The following ARHGEF38 variants were observed in gnomAD, a reference collection of about 807,000 sequenced individuals.
ARHGEF38 encodes the protein Rho guanine nucleotide exchange factor (GEF) 38.
In ARHGEF38, 79 loss-of-function variants were observed where a neutral mutation model predicts 79.9. That is an observed-to-expected ratio of 0.99 (90% CI 0.82 to 1.19). The LOEUF (loss-of-function observed/expected upper bound fraction) is 1.19, where lower values mean the gene tolerates loss of function less well. ARHGEF38 is among the 50% of genes most tolerant of loss of function. The pLI is 0.00. For missense variants in ARHGEF38, 962 were observed against 907.2 expected (o/e 1.06, Z -0.78); for synonymous variants, 366 against 328.3 (o/e 1.11, Z -1.24).
chr4:105,596,838 G>A (rs1451532991), intron 2 of ARHGEF38, among the ~76,000 whole-genome samples: 1 of 152,178 alleles, frequency 6.6e-6, no homozygotes, highest in Non-Finnish European at 1.5e-5. Flanking sequence ...CTCAAAGCTA[G>A]GTTCTACCTC....
intron 2 of ARHGEF38, among the ~76,000 whole-genome samples, chr4:105,596,806 T>C (rs578178944): frequency 1.6e-3 from 245 of 152,306 alleles, no homozygotes; most frequent in African/African-American, 5.6e-3. Context: ...TGGTTGGGCA[T>C]CCCTGGTGAC....
chr4:105,626,508 C>T, intron 3 of ARHGEF38, among the ~76,000 whole-genome samples: 1 of 152,202 alleles, frequency 6.6e-6, no homozygotes, highest in East Asian at 1.9e-4. Context: ...TCCCAACTGT[C>T]ACACATCGAG....
intron 4 of ARHGEF38, 189 bp downstream of exon 4, chr4:105,631,234 G>GA (rs1729179957): frequency 1.6e-6 from 2 of 1,246,340 alleles, no homozygotes; most frequent in African/African-American, 3.1e-5. Flanking sequence ...TTCCCCCTGC[G>GA]AGAATGACTA....
intron 1 of ARHGEF38, among the ~76,000 whole-genome samples, chr4:105,559,250 CT>C (rs928571037): frequency 6.6e-6 from 1 of 152,178 alleles, no homozygotes; most frequent in African/African-American, 2.4e-5. Flanking sequence ...CACTTCTAGA[CT>C]GTTTCTGAGA....
rs143851441 is a variant in ARHGEF38 at position 105,635,567 on chromosome 4, T to C, written c.657-836T>C. On this transcript the variant is annotated intron_variant, in intron 4 of 13. Transcript: ENST00000420470. ...TCACTTATTGGTTTGCATGAAAAAT[T>C]GCATTTTTATTTTTATTCATTTTCT... is the stretch of plus-strand genomic sequence containing the variant. Among the ~76,000 whole-genome samples, 35 of 152,216 alleles carry C rather than the reference T, an allele frequency of 2.3e-4. No homozygotes were observed. The East Asian group carries it at 6.6e-3, about 29-fold the overall frequency.
rs1730621926 is a variant in ARHGEF38 at position 105,663,080 on chromosome 4, G to A, written c.1546-3097G>A. On this transcript the variant is annotated intron_variant, in intron 10 of 13. Coordinates refer to ENST00000420470, the MANE Select transcript of ARHGEF38 (RefSeq NM_001242729.2). ...AGAGATTCATATGCAGTGGTAAGAA[G>A]TATTACGGAGATCCTGTACAACCCT... Among the ~76,000 whole-genome samples, 3 of 152,208 alleles carry A rather than the reference G, an allele frequency of 2.0e-5. No homozygotes were observed. The South Asian group carries it at 6.2e-4, about 32-fold the overall frequency.
intron 1 of ARHGEF38, among the ~76,000 whole-genome samples, chr4:105,587,615 C>A (rs1578282467): frequency 6.6e-6 from 1 of 152,274 alleles, no homozygotes; most frequent in East Asian, 1.9e-4. Flanking sequence ...AGTCCGCCAC[C>A]ACGCCCGGCT....
At chr4:105,631,781 A>G (rs1439681844) in intron 4 of ARHGEF38, 2 of 690,944 alleles carry the variant, frequency 2.9e-6, no homozygotes, top group African/African-American at 2.0e-5. Flanking sequence ...TGGAATTGGT[A>G]TCTTTCTGAA....
chr4:105,618,577 T>A (rs919476219), intron 3 of ARHGEF38, among the ~76,000 whole-genome samples: 3 of 152,094 alleles, frequency 2.0e-5, no homozygotes, highest in Non-Finnish European at 4.4e-5. Flanking sequence ...GCTGAGATCG[T>A]GCCACTGCAC....
At chr4:105,573,766 A>T (rs913202991) in intron 1 of ARHGEF38, among the ~76,000 whole-genome samples, 14 of 151,706 alleles carry the variant, frequency 9.2e-5, no homozygotes, top group Admixed American at 4.6e-4. Flanking sequence ...ACAAAAAAAA[A>T]TTGGAATTTT....
chr4:105,579,378 G>T (rs912176909), intron 1 of ARHGEF38, among the ~76,000 whole-genome samples: 2 of 151,976 alleles, frequency 1.3e-5, no homozygotes, highest in African/African-American at 2.4e-5. Context: ...TGTCATAGAT[G>T]GCTCTTATTA....
intron 5 of ARHGEF38, 124 bp from the exon 6 acceptor site, chr4:105,645,064 A>AT (rs1729778697): frequency 1.2e-6 from 1 of 807,208 alleles, no homozygotes; most frequent in Non-Finnish European, 1.7e-6. Flanking sequence ...TTATTTAGAA[A>AT]TTTTAGATAT....
At chr4:105,644,165 G>T (rs1287002306) in intron 5 of ARHGEF38, among the ~76,000 whole-genome samples, 3 of 151,998 alleles carry the variant, frequency 2.0e-5, no homozygotes, top group African/African-American at 7.2e-5. Flanking sequence ...ACTGTGCCTG[G>T]CCCCCGACCC....
intron 2 of ARHGEF38, among the ~76,000 whole-genome samples, chr4:105,599,740 G>A (rs1727743929): frequency 6.6e-6 from 1 of 152,160 alleles, no homozygotes; most frequent in South Asian, 2.1e-4. Flanking sequence ...CAGAAAGGAA[G>A]CAGATATTAA....
chr4:105,596,957 T>C (rs997229417), intron 2 of ARHGEF38, among the ~76,000 whole-genome samples: 3 of 152,212 alleles, frequency 2.0e-5, no homozygotes, highest in African/African-American at 7.2e-5. Context: ...CTCTAAATTT[T>C]AGTGTCACTG....
chr4:105,572,927 T>C (rs148116618), intron 1 of ARHGEF38, among the ~76,000 whole-genome samples: 2 of 152,192 alleles, frequency 1.3e-5, no homozygotes, highest in African/African-American at 2.4e-5. Context: ...ATATTAGCCA[T>C]CCTTATGGGT....
chr4:105,562,191 A>G (rs1388085073), intron 1 of ARHGEF38, among the ~76,000 whole-genome samples: 1 of 152,186 alleles, frequency 6.6e-6, no homozygotes, highest in Non-Finnish European at 1.5e-5. Flanking sequence ...TGGCATATTT[A>G]GGGATGGTGT....
At chr4:105,673,537 G>A (rs1293422827) in intron 13 of ARHGEF38, among the ~76,000 whole-genome samples, 1 of 152,100 alleles carries the variant, frequency 6.6e-6, no homozygotes, top group Non-Finnish European at 1.5e-5. Context: ...TACCTACTGT[G>A]TCATTGTTTA....
intron 1 of ARHGEF38, among the ~76,000 whole-genome samples, chr4:105,567,823 C>A (rs973527884): frequency 2.0e-5 from 3 of 151,622 alleles, no homozygotes; most frequent in Non-Finnish European, 4.4e-5. Flanking sequence ...GGTACATGTG[C>A]ACATTGTGCA....
Sources: allele counts gnomAD v4.1 joint callset (sites outside exome capture counted in the v4.1 genomes callset), GRCh38; gene constraint gnomAD v4.1.1; transcripts MANE v1.5; gene names NCBI Gene and HGNC (gene_info 2026-07-23, HGNC 2026-07-21).